The following CDC73 variants were observed in gnomAD, a reference collection of about 807,000 sequenced individuals.
CDC73 encodes parafibromin.
Under a neutral mutation model 83.7 loss-of-function variants are expected in CDC73, and 21 were observed. The observed-to-expected ratio is 0.25, with a 90% CI of 0.18 to 0.36. The LOEUF (loss-of-function observed/expected upper bound fraction) is 0.36, where lower values mean the gene tolerates loss of function less well. CDC73 is among the 10% of genes least tolerant of loss of function. The probability of loss-of-function intolerance (pLI) is 1.00; values close to 1 mark genes in which losing one functional copy is unlikely to be tolerated. For missense variants in CDC73, 342 were observed against 653.3 expected (o/e 0.52, Z 5.19); for synonymous variants, 224 against 212.9 (o/e 1.05, Z -0.45).
chr1:193,231,541 A>G (rs572689819), intron 13 of CDC73, among the ~76,000 whole-genome samples: 38 of 152,318 alleles, frequency 2.5e-4, no homozygotes, highest in Admixed American at 2.5e-3. Context: ...CATTATTCAA[A>G]GTATTAGTAC....
At chr1:193,245,326 A>G (rs114567181) in intron 15 of CDC73, among the ~76,000 whole-genome samples, 1,864 of 152,132 alleles carry the variant, frequency 0.012, 19 homozygotes, top group South Asian at 0.034. Context: ...TTTTACTTCT[A>G]TGAGTTCAAC....
intron 13 of CDC73, among the ~76,000 whole-genome samples, chr1:193,213,037 C>T (rs771857109): frequency 2.0e-5 from 3 of 152,094 alleles, no homozygotes; most frequent in Non-Finnish European, 4.4e-5. Context: ...ACATGCATCA[C>T]GGTTATTGGG....
intron 7 of CDC73, among the ~76,000 whole-genome samples, chr1:193,143,770 C>T (rs1023087402): frequency 6.6e-6 from 1 of 151,916 alleles, no homozygotes. Flanking sequence ...TACTAGTTAT[C>T]AGGGCTTTCT....
chr1:193,152,556 A>G (rs1676132386), intron 10 of CDC73, 112 bp downstream of exon 10: 1 of 729,764 alleles, frequency 1.4e-6, no homozygotes, highest in African/African-American at 1.8e-5. Context: ...ATTTTTCTTT[A>G]TTGATCACTT....
At chr1:193,180,119 T>C (rs1010298722) in intron 10 of CDC73, 6 of 540,282 alleles carry the variant, frequency 1.1e-5, no homozygotes, top group Admixed American at 3.9e-5. Context: ...ACCTTTTTTG[T>C]TATATAATGT....
chr1:193,150,288 A>ATTAAT lies in CDC73; in HGVS notation c.829-13_829-9dup. Reference sequence around the variant, plus strand: ...TAAAAATATTAACAAGTAACTCATAATTAATTTTTTTACAGGATCCCACTT... The same window carrying ATTAAT: ...TAAAAATATTAACAAGTAACTCATAATTAATTTAATTTTTTTACAGGATCCCACTT... On this transcript the variant is annotated splice_polypyrimidine_tract_variant and intron_variant, in intron 8 of 16. Coordinates refer to ENST00000367435, the MANE Select transcript of CDC73 (RefSeq NM_024529.5). The ATTAAT allele has an allele frequency of 6.4e-7, 1 of 1,552,544 alleles. No individual in the cohort carries two copies. The highest frequency in any genetic ancestry group is 8.9e-7 in the Non-Finnish European group (1 of 1,123,866).
chr1:193,157,411 C>G (rs1326355379), intron 10 of CDC73, among the ~76,000 whole-genome samples: 1 of 152,086 alleles, frequency 6.6e-6, no homozygotes, highest in African/African-American at 2.4e-5. Flanking sequence ...CTAAATGTGG[C>G]CACAGATATG....
At chr1:193,217,967 A>G (rs1677399527) in intron 13 of CDC73, among the ~76,000 whole-genome samples, 1 of 152,220 alleles carries the variant, frequency 6.6e-6, no homozygotes, top group Admixed American at 6.5e-5. Flanking sequence ...GATGCCTTCT[A>G]TCTTTGTAGA....
intron 10 of CDC73, among the ~76,000 whole-genome samples, chr1:193,177,298 A>C (rs186077224): frequency 2.0e-4 from 28 of 141,096 alleles, no homozygotes; most frequent in African/African-American, 7.1e-4. Context: ...CCGAATCACG[A>C]GGTCAGGAGA....
rs766453658 is a variant in CDC73, at chr1:193,125,249, T to A, written c.237+32T>A. ...AGAATTCATTTTACTTATCTATCTA[T>A]TTATCAGTTTTATTTTTATTTATTT... is the stretch of plus-strand genomic sequence containing the variant. On this transcript the variant is annotated intron_variant, in intron 2 of 16. Coordinates refer to ENST00000367435, the MANE Select transcript of CDC73 (RefSeq NM_024529.5). 5 of 1,197,878 alleles carry A rather than the reference T, an allele frequency of 4.2e-6. No homozygotes were observed. The African/African-American group carries it at 7.5e-5, about 18-fold the overall frequency. The allele number at this position is 1,197,878 out of a possible 1,614,324, so 74.2% of individuals were successfully genotyped here.
chr1:193,166,231 A>G (rs1483818905), intron 10 of CDC73, among the ~76,000 whole-genome samples: 3 of 152,044 alleles, frequency 2.0e-5, no homozygotes, highest in African/African-American at 2.4e-5. Flanking sequence ...GTAGTTGTAC[A>G]GTTAGAGCTC....
chr1:193,250,378 C>T (rs1458725506), intron 16 of CDC73, among the ~76,000 whole-genome samples: 1 of 151,688 alleles, frequency 6.6e-6, no homozygotes, highest in Non-Finnish European at 1.5e-5. Flanking sequence ...CAGTAAATAC[C>T]ACTGAATCGG....
chr1:193,209,852 C>G (rs959713482), intron 11 of CDC73, among the ~76,000 whole-genome samples: 10 of 152,092 alleles, frequency 6.6e-5, no homozygotes, highest in African/African-American at 1.9e-4. Context: ...CCCTTGCTCT[C>G]TCTTTCTTCT....
At chr1:193,138,967 G>A (rs1420330554) in intron 6 of CDC73, among the ~76,000 whole-genome samples, 2 of 151,324 alleles carry the variant, frequency 1.3e-5, no homozygotes, top group Non-Finnish European at 2.9e-5. Context: ...TAGAGATGAT[G>A]TTTTCACCAT....
chr1:193,178,640 G>C (rs1416524052), intron 10 of CDC73, among the ~76,000 whole-genome samples: 1 of 152,130 alleles, frequency 6.6e-6, no homozygotes, highest in African/African-American at 2.4e-5. Flanking sequence ...CTTTTATTAA[G>C]TAATTCTGGT....
chr1:193,199,210 C>G (rs926053212), intron 10 of CDC73, among the ~76,000 whole-genome samples: 7 of 152,092 alleles, frequency 4.6e-5, no homozygotes, highest in African/African-American at 1.7e-4. Flanking sequence ...TTTTTAGCCT[C>G]ATTGTAATTT....
intron 10 of CDC73, among the ~76,000 whole-genome samples, chr1:193,155,221 T>C (rs1329291631): frequency 6.6e-6 from 1 of 152,006 alleles, no homozygotes; most frequent in Non-Finnish European, 1.5e-5. Context: ...TTTATAGAAG[T>C]AAAGGCCCCA....
intron 10 of CDC73, among the ~76,000 whole-genome samples, chr1:193,183,603 C>T (rs1032490421): frequency 3.3e-5 from 5 of 151,010 alleles, no homozygotes; most frequent in African/African-American, 1.2e-4. Context: ...AATAGCTGGC[C>T]ATTCTTTTTA....
chr1:193,212,252 T>G (rs1160117792), intron 12 of CDC73, 138 bp from the exon 13 acceptor site: 1 of 834,138 alleles, frequency 1.2e-6, no homozygotes, highest in African/African-American at 1.7e-5. Flanking sequence ...TTATTAAATA[T>G]TTTTTAATAT....
Sources: gnomAD v4.1 joint callset for allele counts (sites outside exome capture counted in the v4.1 genomes callset) on GRCh38, gnomAD v4.1.1 for gene constraint, MANE v1.5 for transcripts, NCBI Gene and HGNC (gene_info 2026-07-23, HGNC 2026-07-21) for gene names.